The following GRAMD1C variants were observed in gnomAD, a reference collection of about 807,000 sequenced individuals.
GRAMD1C encodes protein Aster-C.
A neutral mutation model predicts 97.8 loss-of-function variants in GRAMD1C; 89 were observed. The observed-to-expected ratio is 0.91, with a 90% confidence interval of 0.77 to 1.09. The LOEUF is 1.09. GRAMD1C is among the 50% of genes least tolerant of loss of function. GRAMD1C has a pLI of 0.00. For missense variants in GRAMD1C, 740 were observed against 766.4 expected, an observed-to-expected ratio of 0.97 and a Z score of 0.41; for synonymous variants, 256 against 267.0, an observed-to-expected ratio of 0.96 and a Z score of 0.40.
At chr3:113,853,183 A>G (rs1933982680) in intron 2 of GRAMD1C, among the ~76,000 whole-genome samples, 1 of 152,248 alleles carries the variant, frequency 6.6e-6, no homozygotes, top group Non-Finnish European at 1.5e-5. Flanking sequence ...ACTTCTAGAA[A>G]TGAAAAATAT....
rs751022750 is a variant in GRAMD1C, at chr3:113,913,161, G to T, written c.953-2540G>T. On this transcript the variant is annotated intron_variant, in intron 9 of 17. Coordinates refer to ENST00000358160, the MANE Select transcript of GRAMD1C (RefSeq NM_017577.5). ...ACTCTGGCCCCCAGTGGCCAAATAGGTAAGTAGCACCAAAACCAGGATTTT... is the reference window on the plus strand; with the variant it reads ...ACTCTGGCCCCCAGTGGCCAAATAGTTAAGTAGCACCAAAACCAGGATTTT... The T allele has an allele frequency of 2.5e-6, 3 of 1,178,150 alleles. No homozygotes were observed. In the South Asian group the frequency reaches 3.8e-5, roughly 15 times the overall value. 73.0% of individuals were successfully genotyped at this position (1,178,150 alleles called of 1,614,324 possible). A position where few individuals can be genotyped will look rare whatever the true frequency, so the allele number is the denominator to read the frequency against.
At chr3:113,839,217 C>T (rs1462117312) in intron 1 of GRAMD1C, among the ~76,000 whole-genome samples, 18 of 152,096 alleles carry the variant, frequency 1.2e-4, no homozygotes, top group African/African-American at 3.9e-4. Flanking sequence ...CAGCCCCAGG[C>T]CCCCTTGGGT....
chr3:113,934,391 C>A, intron 12 of GRAMD1C, 41 bp from the exon 13 acceptor site: 1 of 904,314 alleles, frequency 1.1e-6, no homozygotes, highest in South Asian at 1.5e-5. Flanking sequence ...TAACTAAAGT[C>A]TGCTCTTTAA....
chr3:113,836,989 A>C (rs113188646), upstream of GRAMD1C, among the ~76,000 whole-genome samples: 2,676 of 152,286 alleles, frequency 0.018, 76 homozygotes, highest in African/African-American at 0.059. Flanking sequence ...ATAAATGTAT[A>C]CATAAATCAT....
At chr3:113,857,159 TA>T (rs978365937) in intron 2 of GRAMD1C, among the ~76,000 whole-genome samples, 4 of 140,024 alleles carry the variant, frequency 2.9e-5, no homozygotes, top group African/African-American at 8.0e-5. Context: ...TTTATTTCCT[TA>T]AAAAAAACAA....
chr3:113,910,198 G>A (rs994782568), intron 9 of GRAMD1C, among the ~76,000 whole-genome samples: 7 of 152,088 alleles, frequency 4.6e-5, no homozygotes, highest in Admixed American at 2.0e-4. Context: ...TCTGGTCAAC[G>A]TAGTGAAACC....
intron 12 of GRAMD1C, 85 bp from the exon 13 acceptor site, chr3:113,934,347 G>A (rs775658639): frequency 1.0e-5 from 7 of 700,778 alleles, no homozygotes; most frequent in Non-Finnish European, 1.5e-5. Context: ...ACTTTCCACT[G>A]AATACAATCT....
chr3:113,893,498 A>G (rs956573364), intron 6 of GRAMD1C, among the ~76,000 whole-genome samples: 2 of 151,878 alleles, frequency 1.3e-5, no homozygotes, highest in Non-Finnish European at 2.9e-5. Flanking sequence ...TTAGTTTTCT[A>G]TAACATTTTG....
upstream of GRAMD1C, among the ~76,000 whole-genome samples, chr3:113,833,983 A>C (rs1438562081): frequency 6.6e-6 from 1 of 152,206 alleles, no homozygotes; most frequent in Non-Finnish European, 1.5e-5. Context: ...TCATTTATTT[A>C]ACCAGTCCTT....
At chr3:113,887,085 G>GTTTTTTGTTT (rs1935524436) in intron 6 of GRAMD1C, among the ~76,000 whole-genome samples, 7 of 71,456 alleles carry the variant, frequency 9.8e-5, no homozygotes, top group South Asian at 1.2e-3. Context: ...TGGCCTTTTT[G>GTTTTTTGTTT]TTTTTTTTTT....
rs571598222 is a variant in GRAMD1C, at chr3:113,946,605, T to G, written c.*1127T>G. On this transcript the variant is annotated 3_prime_UTR_variant, in exon 18 of 18. Coordinates refer to ENST00000358160, the MANE Select transcript of GRAMD1C (RefSeq NM_017577.5). ...ATATTTTTTCAAGAGTTAGGGAAAG[T>G]TGAAGTGTTTTACTGTTTTGTCTCT... The G allele has an allele frequency of 3.3e-5, 5 of 152,318 alleles. No homozygotes were observed. The highest frequency in any genetic ancestry group is 3.3e-4 in the Admixed American group (5 of 15,302). The allele number at this position is 152,318 out of a possible 1,614,324, so 9.4% of individuals were successfully genotyped here.
chr3:113,890,193 A>C (rs1935662029), intron 6 of GRAMD1C, among the ~76,000 whole-genome samples: 1 of 152,136 alleles, frequency 6.6e-6, no homozygotes, highest in Non-Finnish European at 1.5e-5. Context: ...AGAGGAGAAA[A>C]GCTGGTGTGG....
upstream of GRAMD1C, among the ~76,000 whole-genome samples, chr3:113,833,875 C>T (rs2247225): frequency 0.048 from 7,270 of 152,166 alleles, 183 homozygotes; most frequent in East Asian, 0.057. Context: ...TTTTGAAGTT[C>T]CCCACTCTGC....
At chr3:113,866,208 T>A (rs1934580336) in intron 2 of GRAMD1C, among the ~76,000 whole-genome samples, 1 of 152,216 alleles carries the variant, frequency 6.6e-6, no homozygotes, top group African/African-American at 2.4e-5. Flanking sequence ...AATAGTCTGT[T>A]CTTGCAGTTC....
chr3:113,861,286 G>T (rs979433758), intron 2 of GRAMD1C, among the ~76,000 whole-genome samples: 2 of 152,166 alleles, frequency 1.3e-5, no homozygotes, highest in Non-Finnish European at 2.9e-5. Flanking sequence ...TTAGGCAATA[G>T]TTTCTTAGAT....
chr3:113,844,324 AT>A (rs1933511303), intron 1 of GRAMD1C, among the ~76,000 whole-genome samples, 178 bp from the exon 2 acceptor site: 1 of 152,180 alleles, frequency 6.6e-6, no homozygotes. Flanking sequence ...TTTAAAAAAA[AT>A]AAAAATAAAT....
intron 2 of GRAMD1C, among the ~76,000 whole-genome samples, chr3:113,849,511 G>A (rs1305152131): frequency 6.6e-6 from 1 of 151,566 alleles, no homozygotes; most frequent in African/African-American, 2.4e-5. Context: ...CGAGCATGCT[G>A]CCTTCAAGCA....
intron 2 of GRAMD1C, among the ~76,000 whole-genome samples, chr3:113,846,110 ATTT>A (rs60131213): frequency 6.9e-6 from 1 of 144,170 alleles, no homozygotes. Flanking sequence ...TTCTGCACTA[ATTT>A]TTTTTTTTTT....
intron 1 of GRAMD1C, among the ~76,000 whole-genome samples, chr3:113,841,510 G>C (rs910423787): frequency 3.3e-5 from 5 of 151,896 alleles, no homozygotes; most frequent in African/African-American, 1.2e-4. Context: ...GGCTGGTCTT[G>C]AACTCCTGAC....
Sources: allele counts gnomAD v4.1 joint callset (sites outside exome capture counted in the v4.1 genomes callset), GRCh38; gene constraint gnomAD v4.1.1; transcripts MANE v1.5; gene names NCBI Gene and HGNC (gene_info 2026-07-23, HGNC 2026-07-21).